The following NUMA1 variants were observed in gnomAD, a reference collection of about 807,000 sequenced individuals.
NUMA1 encodes the protein SP-H antigen.
A neutral mutation model predicts 237.1 loss-of-function variants in NUMA1; 62 were observed. That is an observed-to-expected ratio of 0.26 (90% CI 0.21 to 0.32). NUMA1 has a LOEUF of 0.32. NUMA1 is among the 10% of genes least tolerant of loss of function. NUMA1 has a pLI of 1.00. For missense variants in NUMA1, 2,533 were observed against 2,666.5 expected (o/e 0.95, Z 1.10); for synonymous variants, 1,028 against 1,066.1 (o/e 0.96, Z 0.70).
chr11:72,034,240 A>G (rs1940717781), intron 3 of NUMA1, among the ~76,000 whole-genome samples: 1 of 152,196 alleles, frequency 6.6e-6, no homozygotes, highest in Non-Finnish European at 1.5e-5. Flanking sequence ...GTCAAGAACT[A>G]TGATTTATTG....
chr11:72,009,100 TGCAGCTGCTCCAGGCTCC>T lies in NUMA1; in HGVS notation c.4907_4924del (p.Arg1636_Leu1641del), dbSNP rs757160886. 3.7e-6 allele frequency: 6 copies of T among 1,613,098 alleles called. No homozygotes were observed. The highest frequency in any genetic ancestry group is 1.3e-5 in the African/African-American group (1 of 74,828). On this transcript the variant is annotated inframe_deletion, in exon 19 of 27. Coordinates refer to ENST00000393695, the MANE Select transcript of NUMA1 (RefSeq NM_006185.4). ...AGCTCGCAGCTCTTTGTTTTCCTTC[TGCAGCTGCTCCAGGCTCC>T]GCAGCTGCTCCTGCAGCTCTTGGTT...
intron 3 of NUMA1, among the ~76,000 whole-genome samples, chr11:72,035,543 G>A (rs1328724598): frequency 6.6e-6 from 1 of 151,954 alleles, no homozygotes; most frequent in African/African-American, 2.4e-5. Flanking sequence ...GAGTGACTGG[G>A]ATTACAGGTG....
intron 12 of NUMA1, 174 bp downstream of exon 12, chr11:72,018,009 G>A: frequency 2.1e-6 from 2 of 970,852 alleles, no homozygotes; most frequent in South Asian, 3.1e-5. Context: ...TCACAGCCCA[G>A]TACCCGGGAA....
intron 2 of NUMA1, chr11:72,048,030 A>C (rs368238916): frequency 6.6e-6 from 1 of 152,252 alleles, no homozygotes; most frequent in East Asian, 1.9e-4. Flanking sequence ...GAGGCTCAGG[A>C]ATTAGGTGAC....
At chr11:72,045,871 C>T (rs918979018) in intron 2 of NUMA1, among the ~76,000 whole-genome samples, 1 of 152,222 alleles carries the variant, frequency 6.6e-6, no homozygotes, top group Non-Finnish European at 1.5e-5. Context: ...GCCCTGGCCA[C>T]ATATGGCAAT....
chr11:72,004,914 G>C (rs1166221135), intron 23 of NUMA1, 98 bp from the exon 24 acceptor site: 2 of 1,199,034 alleles, frequency 1.7e-6, no homozygotes, highest in Non-Finnish European at 2.3e-6. Flanking sequence ...CGACACTTAT[G>C]GTCGGGACCC....
At chr11:72,004,500 A>G in intron 24 of NUMA1, 140 bp downstream of exon 24, 4 of 1,217,954 alleles carry the variant, frequency 3.3e-6, no homozygotes, top group Non-Finnish European at 4.7e-6. Context: ...AACAGTTCCC[A>G]TCCATGGGTC....
At position 72,008,955 on chromosome 11, in the gene NUMA1, C is replaced by T. The variant is rs1047819601; in HGVS notation, c.5058+12G>A. ...AATAGGAGTGAGGTGAGTCTGCCAG[C>T]CAAATTCTTACCTGTGCCTCCAGGC... On this transcript the variant is annotated intron_variant, in intron 19 of 26. Coordinates refer to ENST00000393695, the MANE Select transcript of NUMA1 (RefSeq NM_006185.4). The T allele has an allele frequency of 1.2e-6, 2 of 1,613,644 alleles. No homozygotes were observed.
chr11:72,077,691 G>A (rs1466783040), intron 1 of NUMA1, among the ~76,000 whole-genome samples: 1 of 151,950 alleles, frequency 6.6e-6, no homozygotes, highest in African/African-American at 2.4e-5. Flanking sequence ...GCGGGCGCCT[G>A]TAGTCCCAGC....
chr11:72,053,206 G>A (rs954614570), intron 2 of NUMA1, among the ~76,000 whole-genome samples: 4 of 152,126 alleles, frequency 2.6e-5, no homozygotes, highest in East Asian at 1.9e-4. Context: ...AGCTGGTCTC[G>A]AACTCCTCAA....
intron 2 of NUMA1, among the ~76,000 whole-genome samples, chr11:72,051,994 G>A (rs1038868993): frequency 2.6e-5 from 4 of 152,138 alleles, no homozygotes; most frequent in African/African-American, 9.7e-5. Context: ...TGTGCTTTTT[G>A]AAAAGATGAC....
intron 2 of NUMA1, among the ~76,000 whole-genome samples, chr11:72,063,845 C>T (rs1943076035): frequency 6.7e-6 from 1 of 150,138 alleles, no homozygotes; most frequent in Non-Finnish European, 1.5e-5. Flanking sequence ...TGAGTCTGAG[C>T]CTGGGAGGCT....
intron 2 of NUMA1, chr11:72,049,603 T>TCATAAATATAG (rs1942225219): frequency 1.4e-5 from 1 of 73,522 alleles, no homozygotes; most frequent in Non-Finnish European, 3.0e-5. Flanking sequence ...TGTGTATATA[T>TCATAAATATAG]ATATATATAT....
chr11:72,029,950 T>G (rs1018626029), intron 3 of NUMA1, among the ~76,000 whole-genome samples: 3 of 152,146 alleles, frequency 2.0e-5, no homozygotes, highest in Admixed American at 6.5e-5. Context: ...ATATAAAATC[T>G]TATTAATACA....
chr11:72,049,180 A>AT (rs1942168462), intron 2 of NUMA1, among the ~76,000 whole-genome samples: 1 of 152,180 alleles, frequency 6.6e-6, no homozygotes, highest in Non-Finnish European at 1.5e-5. Context: ...ACATATCAAC[A>AT]TATCTAGCAC....
At chr11:72,027,559 A>AG (rs1269952966) in intron 4 of NUMA1, among the ~76,000 whole-genome samples, 1 of 151,904 alleles carries the variant, frequency 6.6e-6, no homozygotes, top group African/African-American at 2.4e-5. Flanking sequence ...AAGATTAAAA[A>AG]AAAATGAGGT....
At chr11:72,005,188 G>A (rs759776620) in intron 23 of NUMA1, 45 bp downstream of exon 23, 1 of 1,526,898 alleles carries the variant, frequency 6.5e-7, no homozygotes, top group Admixed American at 2.2e-5. Flanking sequence ...GGATTCCAAG[G>A]GAGGGCAGGG....
Position 72,014,038 on chromosome 11 carries a change from G to A in NUMA1, c.3465C>T (p.Ala1155=). 1.2e-6 allele frequency: 2 copies of A among 1,611,208 alleles called. No homozygotes were observed. Among genetic ancestry groups the A allele is most frequent in the Non-Finnish European group, 1.7e-6 (2 of 1,179,976 alleles). Residue 1155 remains alanine (A), a synonymous_variant, in exon 15 of 27, where the codon GCC becomes GCT. Transcript: ENST00000393695. This position sits in a 1 kb window ranked among gnomAD's most constrained non-coding sequence, Gnocchi z 4.6. The part of the protein sequence containing the change: ...SLERSLEAER[A]SRAERDSALE... ...GAGCACTGTCCCGCTCAGCCCGGGA[G>A]GCCCGCTCAGCCTCGAGGCTGCGTT...
At position 72,009,366 on chromosome 11, in the gene NUMA1, C is replaced by G; in HGVS notation, c.4741G>C (p.Glu1581Gln). ...KLKAVQAQGG[E>Q]SQQEAQRLQA... ...AGGCGCTGGGCCTCCTGCTGGCTCT[C>G]GCCTCCCTGAGCCTGGACAGCCTGA... The change falls in exon 18 of 27, where the codon GAG (glutamate) becomes CAG (glutamine). Residue 1581 changes from glutamate (E) to glutamine (Q), a missense_variant. By Grantham distance (29) the Glu-to-Gln change is conservative. Around this residue, in one of 3 missense-constraint regions of NUMA1, gnomAD observed 795 missense variants for 750.8 expected, o/e 1.06. Coordinates refer to ENST00000393695, the MANE Select transcript of NUMA1 (RefSeq NM_006185.4). 6.2e-7 allele frequency: 1 copy of G among 1,610,580 alleles called. No homozygotes were observed. Among genetic ancestry groups the G allele is most frequent in the Non-Finnish European group, 8.5e-7 (1 of 1,179,622 alleles).
Sources: allele counts gnomAD v4.1 joint callset (sites outside exome capture counted in the v4.1 genomes callset), GRCh38; gene constraint gnomAD v4.1.1; regional missense constraint gnomAD v4.1.1; non-coding constraint Gnocchi (gnomAD v3.1); transcripts MANE v1.5; gene names NCBI Gene and HGNC (gene_info 2026-07-23, HGNC 2026-07-21).